Variants in MGST1 observed in about 807,000 individuals in gnomAD.
The protein encoded by MGST1 is glutathione S-transferase 12.
A neutral mutation model predicts 8.9 loss-of-function variants in MGST1; 5 were observed. The ratio of observed to expected loss-of-function variants is 0.56; its 90% CI spans 0.29 to 1.19. The LOEUF (loss-of-function observed/expected upper bound fraction) is 1.19, where lower values mean the gene tolerates loss of function less well. Ranked by LOEUF, MGST1 falls within the 50% of genes most tolerant of loss-of-function variation. The pLI, the probability that MGST1 is intolerant of heterozygous loss-of-function variation, is 0.08. For missense variants in MGST1, 182 were observed against 187.4 expected, an observed-to-expected ratio of 0.97 and a Z score of 0.17; for synonymous variants, 54 against 67.8, an observed-to-expected ratio of 0.80 and a Z score of 1.00.
At chr12:16,377,498 A>G (rs549063272), downstream of MGST1, among the ~76,000 whole-genome samples, 221 of 152,166 alleles carry the variant, frequency 1.5e-3, no homozygotes, top group African/African-American at 5.0e-3. Context: ...ATGGCTGCAT[A>G]GTATTCCACG....
Position 16,576,674 on chromosome 12 carries a change from A to G in MGST1, n.483-12854A>G, listed in dbSNP as rs1468156077. Among the ~76,000 whole-genome samples, 2 of 152,166 alleles carry G rather than the reference A, an allele frequency of 1.3e-5. No individual in the cohort carries two copies. Among genetic ancestry groups the G allele is most frequent in the East Asian group, 1.9e-4 (1 of 5,190 alleles). The stretch of plus-strand genomic sequence containing the variant: ...TGCACCTAACACATGTGATGTTCAT[A>G]TGCTCCATAACTGCTGAATTAGAAT... On this transcript the variant is annotated intron_variant and non_coding_transcript_variant, in intron 4 of 4. Transcript: ENST00000538857. This position sits in a 1 kb window ranked among gnomAD's most constrained non-coding sequence, Gnocchi z 4.1.
chr12:16,526,937 T>A (rs980229826), intron 4 of MGST1, among the ~76,000 whole-genome samples: 8 of 151,962 alleles, frequency 5.3e-5, no homozygotes, highest in African/African-American at 1.7e-4. Flanking sequence ...GAACAAGAAC[T>A]TAGGAACCAA....
At chr12:16,479,055 G>C (rs1941345523) in intron 4 of MGST1, among the ~76,000 whole-genome samples, 1 of 151,906 alleles carries the variant, frequency 6.6e-6, no homozygotes, top group Admixed American at 6.6e-5. Context: ...AAATCATACA[G>C]TACGTGATGT....
rs540612802 is a variant in MGST1 at position 16,565,218 on chromosome 12, A to T, written n.483-24310A>T. Among the ~76,000 whole-genome samples, 16 of 152,366 alleles carry T rather than the reference A, an allele frequency of 1.1e-4. No individual in the cohort carries two copies. In the South Asian group the frequency reaches 3.3e-3, roughly 32 times the overall value. On this transcript the variant is annotated intron_variant and non_coding_transcript_variant, in intron 4 of 4. Transcript: ENST00000538857. Reference sequence around the variant, plus strand: ...TTTCGAAGACTATGAAATTGCAATCAATTGAAAAGATTTTTAACTTTTGAC... The same window carrying T: ...TTTCGAAGACTATGAAATTGCAATCTATTGAAAAGATTTTTAACTTTTGAC...
At chr12:16,426,105 C>T (rs143380519) in intron 1 of MGST1, among the ~76,000 whole-genome samples, 43 of 152,224 alleles carry the variant, frequency 2.8e-4, no homozygotes, top group Non-Finnish European at 4.7e-4. Flanking sequence ...AAAGGGATAT[C>T]GGATCACTTT....
intron 4 of MGST1, among the ~76,000 whole-genome samples, chr12:16,455,934 C>T (rs959257700): frequency 2.6e-5 from 4 of 151,556 alleles, no homozygotes; most frequent in Non-Finnish European, 5.9e-5. Context: ...TATGTGTGTA[C>T]GTGTGTGTAT....
rs1157723466 is a variant in MGST1 at position 16,500,852 on chromosome 12, T to TCCCAGCA, written n.483-88674_483-88668dup. Reference sequence around the variant, plus strand: ...TGGGCGTGGTGGCTCACGCCTGTAATCCCAGCACTTTGGGAGACCAAGGCA... The same window carrying TCCCAGCA: ...TGGGCGTGGTGGCTCACGCCTGTAATCCCAGCACCCAGCACTTTGGGAGACCAAGGCA... On this transcript the variant is annotated intron_variant and non_coding_transcript_variant, in intron 4 of 4. Coordinates refer to the MGST1 transcript ENST00000538857. The surrounding 1 kb of genome is among the most constrained non-coding windows in gnomAD (Gnocchi z 4.3). 6.6e-6 allele frequency among the ~76,000 whole-genome samples: 1 copy of TCCCAGCA among 152,210 alleles called. No individual in the cohort carries two copies. Among genetic ancestry groups the TCCCAGCA allele is most frequent in the Non-Finnish European group, 1.5e-5 (1 of 68,032 alleles).
intron 4 of MGST1, among the ~76,000 whole-genome samples, chr12:16,456,675 A>T (rs1213239132): frequency 6.6e-6 from 1 of 151,918 alleles, no homozygotes; most frequent in Non-Finnish European, 1.5e-5. Context: ...AAGTATTATA[A>T]ATTAACACAC....
chr12:16,520,019 G>A (rs1421187011), intron 4 of MGST1, among the ~76,000 whole-genome samples: 1 of 152,104 alleles, frequency 6.6e-6, no homozygotes, highest in Non-Finnish European at 1.5e-5. Flanking sequence ...AATAAACAAC[G>A]ATAAAAGTAA....
intron 4 of MGST1, among the ~76,000 whole-genome samples, chr12:16,561,686 G>A (rs1375430638): frequency 6.6e-6 from 1 of 152,116 alleles, no homozygotes; most frequent in Admixed American, 6.6e-5. Context: ...CTTTTCTTAA[G>A]GCATGCATAT....
chr12:16,553,867 GAA>G (rs75193044), intron 4 of MGST1, among the ~76,000 whole-genome samples: 17 of 132,600 alleles, frequency 1.3e-4, no homozygotes, highest in Admixed American at 1.5e-4. Context: ...GCATTTGCAG[GAA>G]AAAAAAAAAA....
intron 1 of MGST1, chr12:16,400,733 T>C (rs1053110894): frequency 1.5e-5 from 20 of 1,300,752 alleles, no homozygotes; most frequent in Non-Finnish European, 2.2e-5. Context: ...GTAAGTATAA[T>C]CTCCTTCCAC....
rs1397882450 is a variant in MGST1 at position 16,431,887 on chromosome 12, A to G, written n.779-5501A>G. On this transcript the variant is annotated intron_variant and non_coding_transcript_variant, in intron 1 of 1. Coordinates refer to the MGST1 transcript ENST00000359720. ...GTGAAGCTCAATAAAGTGAAGTGCA[A>G]TAAAACAGGTATACATGTATTTATT... is the stretch of plus-strand genomic sequence containing the variant. Among the ~76,000 whole-genome samples the G allele has an allele frequency of 2.6e-5, 4 of 152,194 alleles. No homozygotes were observed. In the East Asian group the frequency reaches 7.7e-4, roughly 29 times the overall value.
At chr12:16,551,092 C>T (rs1941971551) in intron 4 of MGST1, 2 of 621,272 alleles carry the variant, frequency 3.2e-6, no homozygotes, top group East Asian at 2.6e-5. Context: ...CCTTTTATTC[C>T]ATATAACCAT....
intron 4 of MGST1, among the ~76,000 whole-genome samples, chr12:16,519,324 A>AT (rs1349004818): frequency 6.6e-6 from 1 of 152,162 alleles, no homozygotes; most frequent in Non-Finnish European, 1.5e-5. Context: ...TTTGTATTTG[A>AT]TTTTTTATCT....
At chr12:16,365,642 C>A (rs1042441333), downstream of MGST1, among the ~76,000 whole-genome samples, 1 of 152,164 alleles carries the variant, frequency 6.6e-6, no homozygotes, top group Non-Finnish European at 1.5e-5. Flanking sequence ...GCCTTAGGAA[C>A]GCTTTGTGGT....
At chr12:16,387,868 A>C (rs1940518836) in intron 1 of MGST1, among the ~76,000 whole-genome samples, 1 of 151,584 alleles carries the variant, frequency 6.6e-6, no homozygotes, top group Non-Finnish European at 1.5e-5. Flanking sequence ...GTTTAGATAC[A>C]CAAATACTTA....
intron 4 of MGST1, among the ~76,000 whole-genome samples, chr12:16,507,066 C>T (rs1339655680): frequency 1.3e-5 from 2 of 151,828 alleles, no homozygotes; most frequent in Admixed American, 6.6e-5. Context: ...TGTGGAAGTA[C>T]ATAGGAGGGA....
chr12:16,453,234 C>T (rs553333090), intron 4 of MGST1, among the ~76,000 whole-genome samples: 2 of 151,908 alleles, frequency 1.3e-5, no homozygotes, highest in South Asian at 2.1e-4. Flanking sequence ...GAGATAGCAA[C>T]GTCCTTTTAG....
Sources: allele counts gnomAD v4.1 joint callset (sites outside exome capture counted in the v4.1 genomes callset), GRCh38; gene constraint gnomAD v4.1.1; non-coding constraint Gnocchi (gnomAD v3.1); transcripts MANE v1.5; gene names NCBI Gene and HGNC (gene_info 2026-07-23, HGNC 2026-07-21).